THSD7B: variants seen among roughly 807,000 people sequenced by gnomAD.
The protein encoded by THSD7B is thrombospondin type 1 domain containing 7B.
In THSD7B, 138 loss-of-function variants were observed where a neutral mutation model predicts 213.6. The observed-to-expected ratio is 0.65, with a 90% CI of 0.56 to 0.74. The LOEUF is 0.74. Ranked by LOEUF, THSD7B falls within the 30% of genes least tolerant of loss-of-function variation. The pLI is 0.00. For synonymous variants in THSD7B, 742 were observed against 687.0 expected (o/e 1.08, Z -1.25); for missense variants, 1,931 against 1,991.5 (o/e 0.97, Z 0.58).
At chr2:137,620,976 G>A (rs1002806194) in intron 20 of THSD7B, among the ~76,000 whole-genome samples, 1 of 152,180 alleles carries the variant, frequency 6.6e-6, no homozygotes, top group African/African-American at 2.4e-5. Context: ...TGTTTATTCA[G>A]AAGATCATAA....
At chr2:137,318,085 A>G (rs1041476137) in intron 12 of THSD7B, among the ~76,000 whole-genome samples, 4 of 152,224 alleles carry the variant, frequency 2.6e-5, no homozygotes, top group Admixed American at 2.0e-4. Flanking sequence ...ATATTAACAG[A>G]AAATCTAACT....
At chr2:137,289,210 C>A (rs1245166651) in intron 12 of THSD7B, among the ~76,000 whole-genome samples, 1 of 150,798 alleles carries the variant, frequency 6.6e-6, no homozygotes, top group East Asian at 2.0e-4. Flanking sequence ...TGGAGAGATT[C>A]ATTGTTATAT....
intron 7 of THSD7B, among the ~76,000 whole-genome samples, chr2:137,195,251 T>TATATATATAC (rs34357255): frequency 3.3e-5 from 5 of 150,006 alleles, no homozygotes; most frequent in South Asian, 4.2e-4. Context: ...TATATATATA[T>TATATATATAC]ACACACACAC....
intron 20 of THSD7B, among the ~76,000 whole-genome samples, chr2:137,638,553 G>T (rs1171967566): frequency 2.0e-5 from 3 of 152,120 alleles, no homozygotes; most frequent in East Asian, 3.8e-4. Flanking sequence ...AGTACATTGG[G>T]GCACTGCTGA....
chr2:137,487,732 CTTTCTTTTTTTTTTTTTTTT>C (rs1688496175), intron 15 of THSD7B, among the ~76,000 whole-genome samples: 1 of 35,514 alleles, frequency 2.8e-5, no homozygotes, highest in African/African-American at 9.3e-5. Flanking sequence ...TTTGAGGTTT[CTTTCTTTTTTTTTTTTTTTT>C]TTTTTTTTTT....
chr2:136,989,403 G>A (rs1316475115), intron 2 of THSD7B, among the ~76,000 whole-genome samples: 4 of 150,984 alleles, frequency 2.6e-5, no homozygotes, highest in Non-Finnish European at 5.9e-5. Flanking sequence ...TTGTTTAAAA[G>A]AGCCTGGTGC....
At chr2:137,453,244 G>T (rs1687687296) in intron 15 of THSD7B, among the ~76,000 whole-genome samples, 1 of 151,466 alleles carries the variant, frequency 6.6e-6, no homozygotes, top group Non-Finnish European at 1.5e-5. Flanking sequence ...TATGAATACA[G>T]TGTGGAAAAA....
Position 137,329,376 on chromosome 2 carries a change from T to G in THSD7B, c.2500+53350T>G, listed in dbSNP as rs1278195684. Among the ~76,000 whole-genome samples, 11 of 152,274 alleles carry G rather than the reference T, an allele frequency of 7.2e-5. No individual in the cohort carries two copies. The East Asian group carries it at 1.9e-3, about 27-fold the overall frequency. On this transcript the variant is annotated intron_variant, in intron 12 of 27. Transcript: ENST00000409968. ...ATCTGGTAGAAGAAATTTCTTTGTT[T>G]GTTTGTTGAGACAGAGTCTCGCACT...
At chr2:137,552,873 G>T (rs373975903) in intron 15 of THSD7B, among the ~76,000 whole-genome samples, 1 of 151,918 alleles carries the variant, frequency 6.6e-6, no homozygotes, top group African/African-American at 2.4e-5. Flanking sequence ...GAACCCATGT[G>T]GGGGGAAAGT....
intron 15 of THSD7B, among the ~76,000 whole-genome samples, chr2:137,481,994 G>A (rs1466355961): frequency 6.6e-6 from 1 of 152,204 alleles, no homozygotes; most frequent in Non-Finnish European, 1.5e-5. Flanking sequence ...CGGCTAATAC[G>A]GTGAAACCCC....
At chr2:137,185,315 G>A (rs1209646815) in intron 7 of THSD7B, among the ~76,000 whole-genome samples, 1 of 151,474 alleles carries the variant, frequency 6.6e-6, no homozygotes, top group African/African-American at 2.4e-5. Context: ...GGTATATTGT[G>A]TGATGCTGAT....
chr2:137,114,413 C>A (rs1688408201), intron 4 of THSD7B, among the ~76,000 whole-genome samples: 1 of 152,126 alleles, frequency 6.6e-6, no homozygotes, highest in Non-Finnish European at 1.5e-5. Context: ...TATACAAACT[C>A]CATTGTGTTT....
At chr2:137,676,291 C>CTAAG (rs1177871670) in intron 27 of THSD7B, among the ~76,000 whole-genome samples, 5 of 152,198 alleles carry the variant, frequency 3.3e-5, no homozygotes, top group African/African-American at 1.2e-4. Context: ...AACTCTTCTA[C>CTAAG]TAAGTTCCTT....
At position 137,677,185 on chromosome 2, in the gene THSD7B, G is replaced by A. The variant is rs1683722903; in HGVS notation, c.*580G>A. 1 of 152,504 alleles carries A rather than the reference G, an allele frequency of 6.6e-6. No homozygotes were observed. The allele number at this position is 152,504 out of a possible 1,614,324, so 9.4% of individuals were successfully genotyped here. A position where few individuals can be genotyped will look rare whatever the true frequency, so the allele number is the denominator to read the frequency against. ...ACCTTTAAATATTGTATTTTGTTTTGTAGCCAGGGGATGATGGCGCTTCAT... is the reference window on the plus strand; with the variant it reads ...ACCTTTAAATATTGTATTTTGTTTTATAGCCAGGGGATGATGGCGCTTCAT... On this transcript the variant is annotated 3_prime_UTR_variant, in exon 28 of 28. Transcript: ENST00000409968.
At chr2:137,599,363 C>A (rs1362784459) in intron 17 of THSD7B, among the ~76,000 whole-genome samples, 2 of 152,028 alleles carry the variant, frequency 1.3e-5, no homozygotes, top group African/African-American at 4.8e-5. Flanking sequence ...GACATTTATG[C>A]AGCCAAAAAT....
intron 2 of THSD7B, among the ~76,000 whole-genome samples, chr2:136,885,194 G>A (rs1469029425): frequency 6.6e-6 from 1 of 152,132 alleles, no homozygotes; most frequent in African/African-American, 2.4e-5. Flanking sequence ...CATTCTCTGG[G>A]TTTTGATTGC....
chr2:137,423,495 A>G (rs903334601), intron 14 of THSD7B, among the ~76,000 whole-genome samples: 2 of 152,116 alleles, frequency 1.3e-5, no homozygotes, highest in African/African-American at 2.4e-5. Context: ...ATACACTAAC[A>G]ATGAACAATC....
At chr2:136,839,354 AG>A (rs1682887611) in intron 1 of THSD7B, among the ~76,000 whole-genome samples, 1 of 152,222 alleles carries the variant, frequency 6.6e-6, no homozygotes, top group South Asian at 2.1e-4. Context: ...CCTGTCTGGT[AG>A]GAACTTCTTA....
At chr2:137,189,638 C>T (rs1343029523) in intron 7 of THSD7B, among the ~76,000 whole-genome samples, 1 of 151,890 alleles carries the variant, frequency 6.6e-6, no homozygotes, top group Non-Finnish European at 1.5e-5. Flanking sequence ...ACTTTCTGGT[C>T]ACTTCGTACC....
Sources: gnomAD v4.1 joint callset for allele counts (sites outside exome capture counted in the v4.1 genomes callset) on GRCh38, gnomAD v4.1.1 for gene constraint, MANE v1.5 for transcripts, NCBI Gene and HGNC (gene_info 2026-07-23, HGNC 2026-07-21) for gene names.